The following FAM135A variants were observed in gnomAD, a reference collection of about 807,000 sequenced individuals.
FAM135A encodes protein FAM135A.
In FAM135A, 79 loss-of-function variants were observed where a neutral mutation model predicts 146.8. The ratio of observed to expected loss-of-function variants is 0.54; its 90% CI spans 0.45 to 0.65. FAM135A has a LOEUF of 0.65. Among genes scored for constraint, FAM135A ranks in the 30% least tolerant of loss-of-function variants. The pLI is 0.00. For synonymous variants in FAM135A, 562 were observed against 603.6 expected (o/e 0.93, Z 1.01); for missense variants, 1,623 against 1,758.2 (o/e 0.92, Z 1.38).
chr6:70,524,426 T>C lies in FAM135A; in HGVS notation c.1342T>C (p.Ser448Pro). 6.5e-7 allele frequency: 1 copy of C among 1,542,070 alleles called. No individual in the cohort carries two copies. Among genetic ancestry groups the C allele is most frequent in the East Asian group, 2.4e-5 (1 of 40,868 alleles). Residue 448 changes from serine to proline, a missense_variant, in exon 15 of 22, where the codon TCT becomes CCT. By Grantham distance (74) the Ser-to-Pro change is moderately conservative. Transcript: ENST00000418814. Reference protein sequence around the residue: ...KMDKYETEESSVAGLSSPELK... With the variant: ...KMDKYETEESPVAGLSSPELK... The stretch of plus-strand genomic sequence containing the variant: ...GGATAAATATGAGACTGAAGAAAGC[T>C]CTGTAGCAGGACTTTCTAGCCCAGA...
chr6:70,518,022 C>T (rs964176243), intron 12 of FAM135A, among the ~76,000 whole-genome samples: 4 of 152,070 alleles, frequency 2.6e-5, no homozygotes, highest in South Asian at 2.1e-4. Context: ...ATCAGAAGCT[C>T]GAGATGATTA....
intron 5 of FAM135A, among the ~76,000 whole-genome samples, chr6:70,459,567 C>T (rs1449831967): frequency 1.3e-5 from 2 of 152,100 alleles, no homozygotes; most frequent in Non-Finnish European, 2.9e-5. Flanking sequence ...AATCTGGCTC[C>T]AGTTTGAAAT....
At chr6:70,442,881 C>T (rs999035898) in intron 4 of FAM135A, among the ~76,000 whole-genome samples, 2 of 152,160 alleles carry the variant, frequency 1.3e-5, no homozygotes, top group African/African-American at 4.8e-5. Context: ...GCATTTTACA[C>T]CATTGTATAG....
At chr6:70,483,313 A>G (rs1397375644) in intron 10 of FAM135A, among the ~76,000 whole-genome samples, 1 of 152,210 alleles carries the variant, frequency 6.6e-6, no homozygotes, top group Non-Finnish European at 1.5e-5. Flanking sequence ...AGAATTCTTG[A>G]TTCAGTAATC....
At chr6:70,422,365 C>A (rs1356560408) in intron 2 of FAM135A, among the ~76,000 whole-genome samples, 1 of 152,170 alleles carries the variant, frequency 6.6e-6, no homozygotes, top group Non-Finnish European at 1.5e-5. Context: ...TCTCTTTTGC[C>A]TGCTCTCCTT....
chr6:70,507,144 A>G (rs1219188771), intron 12 of FAM135A, among the ~76,000 whole-genome samples: 2 of 152,090 alleles, frequency 1.3e-5, no homozygotes, highest in African/African-American at 4.8e-5. Context: ...GCCTATTTTA[A>G]TTGCTAAATG....
chr6:70,442,974 T>C (rs571059809), intron 4 of FAM135A, among the ~76,000 whole-genome samples: 2 of 152,368 alleles, frequency 1.3e-5, no homozygotes, highest in South Asian at 4.1e-4. Context: ...AATACTACAA[T>C]ATTGCAGTTG....
intron 12 of FAM135A, among the ~76,000 whole-genome samples, chr6:70,505,904 T>A (rs1789663781): frequency 6.6e-6 from 1 of 152,190 alleles, no homozygotes; most frequent in African/African-American, 2.4e-5. Context: ...TTAGAATTTC[T>A]TTATTAAAGG....
chr6:70,486,184 C>T, intron 10 of FAM135A: 1 of 1,613,802 alleles, frequency 6.2e-7, no homozygotes, highest in Non-Finnish European at 8.5e-7. Flanking sequence ...CAACATGCAG[C>T]TCCTATATGA....
At chr6:70,485,183 A>G (rs1313425799) in intron 10 of FAM135A, among the ~76,000 whole-genome samples, 1 of 152,200 alleles carries the variant, frequency 6.6e-6, no homozygotes, top group Non-Finnish European at 1.5e-5. Flanking sequence ...AATGAATGAA[A>G]TAGCACAATA....
chr6:70,490,664 G>A (rs745709607), intron 10 of FAM135A, among the ~76,000 whole-genome samples: 2 of 151,784 alleles, frequency 1.3e-5, no homozygotes, highest in Non-Finnish European at 2.9e-5. Flanking sequence ...AAGAAAGCAA[G>A]GCATATGTAT....
At chr6:70,430,539 G>A (rs1479181961) in intron 4 of FAM135A, among the ~76,000 whole-genome samples, 1 of 152,114 alleles carries the variant, frequency 6.6e-6, no homozygotes, top group East Asian at 1.9e-4. Flanking sequence ...ATGCTTTAAA[G>A]CCCACAGCCA....
intron 12 of FAM135A, among the ~76,000 whole-genome samples, chr6:70,521,384 T>C (rs764961454): frequency 1.2e-4 from 18 of 152,230 alleles, no homozygotes; most frequent in Non-Finnish European, 2.2e-4. Flanking sequence ...GTTATTTTTC[T>C]CTCACCTTTC....
intron 8 of FAM135A, 26 bp downstream of exon 8, chr6:70,477,358 T>C: frequency 6.2e-7 from 1 of 1,607,868 alleles, no homozygotes; most frequent in Non-Finnish European, 8.5e-7. Context: ...ATTTTTGTAT[T>C]AAGCCATTCT....
At chr6:70,421,101 C>T (rs976032205) in intron 2 of FAM135A, among the ~76,000 whole-genome samples, 1 of 152,004 alleles carries the variant, frequency 6.6e-6, no homozygotes, top group Non-Finnish European at 1.5e-5. Context: ...AGGCTGGTCT[C>T]GAACTCCTGA....
chr6:70,440,038 C>T (rs1774102120), intron 4 of FAM135A, among the ~76,000 whole-genome samples: 1 of 152,200 alleles, frequency 6.6e-6, no homozygotes, highest in Admixed American at 6.5e-5. Flanking sequence ...GTCCCTCAGT[C>T]ATCTCATAAG....
intron 15 of FAM135A, 68 bp from the exon 16 acceptor site, chr6:70,528,224 A>G: frequency 1.4e-6 from 2 of 1,434,122 alleles, no homozygotes; most frequent in Middle Eastern, 2.3e-4. Context: ...ACAATTCTCT[A>G]AATTCAGGAG....
chr6:70,520,055 T>C (rs537255807), intron 12 of FAM135A, among the ~76,000 whole-genome samples: 6 of 152,288 alleles, frequency 3.9e-5, no homozygotes, highest in Admixed American at 2.0e-4. Context: ...TTTTGTGTGA[T>C]CTTTTATAGG....
intron 4 of FAM135A, among the ~76,000 whole-genome samples, chr6:70,452,093 TA>T (rs1777225175): frequency 1.3e-5 from 2 of 152,086 alleles, no homozygotes; most frequent in Non-Finnish European, 2.9e-5. Context: ...ATCCAGTTTT[TA>T]AAAACTATTT....
Sources: allele counts gnomAD v4.1 joint callset (sites outside exome capture counted in the v4.1 genomes callset), GRCh38; gene constraint gnomAD v4.1.1; transcripts MANE v1.5; gene names NCBI Gene and HGNC (gene_info 2026-07-23, HGNC 2026-07-21).